The following SCAF8 variants were observed in gnomAD, a reference collection of about 807,000 sequenced individuals.
SCAF8 encodes SR-related CTD associated factor 8, also known as SR-related and CTD-associated factor 8.
Under a neutral mutation model 140.5 loss-of-function variants are expected in SCAF8, and 23 were observed. The ratio of observed to expected loss-of-function variants is 0.16; its 90% CI spans 0.12 to 0.23. The LOEUF is 0.23. SCAF8 is among the 10% of genes least tolerant of loss of function. The pLI is 1.00. For synonymous variants in SCAF8, 575 were observed against 528.9 expected (o/e 1.09, Z -1.20); for missense variants, 1,397 against 1,555.7 (o/e 0.90, Z 1.72).
chr6:154,829,864 G>C (rs1238463031), intron 18 of SCAF8, among the ~76,000 whole-genome samples: 1 of 152,140 alleles, frequency 6.6e-6, no homozygotes, highest in Non-Finnish European at 1.5e-5. Flanking sequence ...CCGAGATCAC[G>C]CTACTGCACT....
chr6:154,803,775 C>A, intron 8 of SCAF8, 152 bp downstream of exon 8: 1 of 592,952 alleles, frequency 1.7e-6, no homozygotes, highest in Non-Finnish European at 3.0e-6. Context: ...GTCTTGTTGT[C>A]TCTTTGTATT....
chr6:154,761,164 C>A lies in SCAF8; in HGVS notation c.31-12825C>A, dbSNP rs144058170. On this transcript the variant is annotated intron_variant, in intron 1 of 19. Coordinates refer to ENST00000367178, the MANE Select transcript of SCAF8 (RefSeq NM_014892.5). ...TTTGATAGTGAGTTATTAGGTATAA[C>A]ATTTCAGATTTTATGTGCTTTGTTT... 1.2e-4 allele frequency among the ~76,000 whole-genome samples: 19 copies of A among 152,150 alleles called. No individual in the cohort carries two copies. The East Asian group carries it at 3.3e-3, about 26-fold the overall frequency.
intron 12 of SCAF8, among the ~76,000 whole-genome samples, 175 bp downstream of exon 12, chr6:154,810,383 C>G (rs1490785186): frequency 6.6e-6 from 1 of 152,076 alleles, no homozygotes; most frequent in Non-Finnish European, 1.5e-5. Context: ...GAAGGAAGAA[C>G]AGATTCCATT....
chr6:154,744,474 T>C (rs1271792670), intron 1 of SCAF8, among the ~76,000 whole-genome samples: 3 of 152,242 alleles, frequency 2.0e-5, no homozygotes. Context: ...CTGCAGCCAT[T>C]ACCATGTTTC....
At chr6:154,745,704 C>T (rs1271067194) in intron 1 of SCAF8, among the ~76,000 whole-genome samples, 1 of 152,082 alleles carries the variant, frequency 6.6e-6, no homozygotes, top group Non-Finnish European at 1.5e-5. Context: ...TGCTACTTGT[C>T]AAATTTTCAC....
At chr6:154,810,946 C>T (rs547349925) in intron 12 of SCAF8, among the ~76,000 whole-genome samples, 4 of 152,078 alleles carry the variant, frequency 2.6e-5, no homozygotes, top group African/African-American at 4.8e-5. Flanking sequence ...AAGACTTCCA[C>T]GTAAATTCCC....
At chr6:154,786,628 A>G (rs1777266985) in intron 3 of SCAF8, among the ~76,000 whole-genome samples, 1 of 152,226 alleles carries the variant, frequency 6.6e-6, no homozygotes, top group African/African-American at 2.4e-5. Flanking sequence ...TGACAAGGAC[A>G]GCTTGAAGGT....
chr6:154,823,028 C>G (rs567392923), intron 16 of SCAF8, among the ~76,000 whole-genome samples: 1 of 152,276 alleles, frequency 6.6e-6, no homozygotes, highest in South Asian at 2.1e-4. Flanking sequence ...TGAGCAATGA[C>G]TTAAAAGCAC....
intron 1 of SCAF8, among the ~76,000 whole-genome samples, chr6:154,753,725 G>A (rs2114811945): frequency 6.6e-6 from 1 of 152,310 alleles, no homozygotes; most frequent in East Asian, 1.9e-4. Context: ...TACGCTGGAA[G>A]GTGGCCTACC....
intron 8 of SCAF8, among the ~76,000 whole-genome samples, chr6:154,804,358 T>C (rs748815460): frequency 2.0e-5 from 3 of 152,190 alleles, no homozygotes; most frequent in Non-Finnish European, 4.4e-5. Flanking sequence ...AAAACTAGTA[T>C]TTTAGATTAT....
intron 1 of SCAF8, 59 bp downstream of exon 1, chr6:154,733,989 G>C: frequency 6.8e-7 from 1 of 1,464,422 alleles, no homozygotes; most frequent in Non-Finnish European, 9.0e-7. Flanking sequence ...CCCTGGTCGA[G>C]GCCGGGGCCC....
chr6:154,764,721 A>G (rs763132658), intron 1 of SCAF8, among the ~76,000 whole-genome samples: 2 of 152,168 alleles, frequency 1.3e-5, no homozygotes, highest in African/African-American at 4.8e-5. Flanking sequence ...GCATGTAGCC[A>G]TGGTCTTCTC....
intron 6 of SCAF8, 26 bp downstream of exon 6, chr6:154,795,165 G>A (rs2114885112): frequency 6.4e-7 from 1 of 1,571,272 alleles, no homozygotes; most frequent in African/African-American, 1.4e-5. Flanking sequence ...GTTATATCAA[G>A]AATAATTTAG....
At chr6:154,810,997 T>A (rs909612565) in intron 12 of SCAF8, among the ~76,000 whole-genome samples, 1 of 152,212 alleles carries the variant, frequency 6.6e-6, no homozygotes, top group African/African-American at 2.4e-5. Flanking sequence ...TAATTTGTGC[T>A]ACTAGAGCGT....
intron 1 of SCAF8, among the ~76,000 whole-genome samples, chr6:154,738,328 C>T (rs1347056352): frequency 6.6e-6 from 1 of 152,160 alleles, no homozygotes; most frequent in Non-Finnish European, 1.5e-5. Context: ...GTCTACCCTC[C>T]CTACCATAAT....
In SCAF8 at chr6:154,795,147, G is replaced by T. The variant is rs1325251382; in HGVS notation, c.606+8G>T. On this transcript the variant is annotated splice_region_variant and intron_variant, in intron 6 of 19. Transcript: ENST00000367178. The stretch of plus-strand genomic sequence containing the variant: ...AGTCCTCAAGGCCAGCAGGTGAGCG[G>T]TTTTTCTGTTATATCAAGAATAATT... The T allele has an allele frequency of 1.9e-6, 3 of 1,554,984 alleles. No homozygotes were observed. The highest frequency in any genetic ancestry group is 2.6e-6 in the Non-Finnish European group (3 of 1,161,126).
intron 18 of SCAF8, 21 bp downstream of exon 18, chr6:154,827,261 G>GGC: frequency 6.5e-7 from 1 of 1,542,124 alleles, no homozygotes; most frequent in Non-Finnish European, 8.8e-7. Flanking sequence ...TACTTTTAGA[G>GGC]TTTTCTTTAT....
At chr6:154,763,503 A>T (rs1199135716) in intron 1 of SCAF8, among the ~76,000 whole-genome samples, 1 of 152,154 alleles carries the variant, frequency 6.6e-6, no homozygotes, top group Non-Finnish European at 1.5e-5. Flanking sequence ...GTTCTCTGGG[A>T]TGTAACTCAT....
At chr6:154,773,575 C>A (rs1416776324) in intron 1 of SCAF8, among the ~76,000 whole-genome samples, 1 of 152,138 alleles carries the variant, frequency 6.6e-6, no homozygotes, top group Non-Finnish European at 1.5e-5. Flanking sequence ...GAAAAAGTAT[C>A]ATGTACAAGT....
Sources: allele counts gnomAD v4.1 joint callset (sites outside exome capture counted in the v4.1 genomes callset), GRCh38; gene constraint gnomAD v4.1.1; transcripts MANE v1.5; gene names NCBI Gene and HGNC (gene_info 2026-07-23, HGNC 2026-07-21).